PTPRT: variants seen among roughly 807,000 people sequenced by gnomAD.
PTPRT encodes protein tyrosine phosphatase receptor type T, also known as receptor-type tyrosine-protein phosphatase T.
Under a neutral mutation model 176.8 loss-of-function variants are expected in PTPRT, and 56 were observed. That is an observed-to-expected ratio of 0.32 (90% CI 0.26 to 0.40). PTPRT has a LOEUF of 0.40. Ranked by LOEUF, PTPRT falls within the 10% of genes least tolerant of loss-of-function variation. PTPRT has a pLI of 1.00. For synonymous variants in PTPRT, 783 were observed against 739.0 expected (o/e 1.06, Z -0.96); for missense variants, 1,540 against 1,908.2 (o/e 0.81, Z 3.60).
intron 1 of PTPRT, among the ~76,000 whole-genome samples, chr20:43,097,164 C>A (rs1308493717): frequency 6.6e-6 from 1 of 152,096 alleles, no homozygotes; most frequent in African/African-American, 2.4e-5. Context: ...AGTAAGGGAG[C>A]CAGGAAGTGG....
intron 1 of PTPRT, among the ~76,000 whole-genome samples, chr20:43,079,617 A>C (rs963799810): frequency 6.6e-6 from 1 of 152,132 alleles, no homozygotes; most frequent in Non-Finnish European, 1.5e-5. Flanking sequence ...TAAATCCTAG[A>C]TGTATTACAG....
At chr20:42,703,059 C>A (rs1454911221) in intron 6 of PTPRT, among the ~76,000 whole-genome samples, 2 of 152,154 alleles carry the variant, frequency 1.3e-5, no homozygotes, top group African/African-American at 4.8e-5. Flanking sequence ...TTTCCCACTC[C>A]CATAGTTTAG....
intron 7 of PTPRT, among the ~76,000 whole-genome samples, chr20:42,605,106 G>A (rs2073852038): frequency 6.6e-6 from 1 of 152,168 alleles, no homozygotes; most frequent in Admixed American, 6.5e-5. Flanking sequence ...AAGCACTACA[G>A]GGAGAGGCAC....
intron 9 of PTPRT, among the ~76,000 whole-genome samples, chr20:42,357,290 G>A (rs796419252): frequency 2.1e-4 from 32 of 152,272 alleles, no homozygotes; most frequent in African/African-American, 7.0e-4. Flanking sequence ...ATACCCTACA[G>A]CCCACGCTGC....
intron 2 of PTPRT, among the ~76,000 whole-genome samples, chr20:42,842,861 C>A (rs890824229): frequency 1.3e-5 from 2 of 152,220 alleles, no homozygotes; most frequent in African/African-American, 4.8e-5. Context: ...GGGGGTCCCT[C>A]AAGCCTCTTT....
intron 1 of PTPRT, among the ~76,000 whole-genome samples, chr20:42,962,042 G>A (rs969239439): frequency 6.6e-6 from 1 of 152,176 alleles, no homozygotes; most frequent in African/African-American, 2.4e-5. Context: ...TCACCCTGCT[G>A]AGTTTAGACT....
intron 7 of PTPRT, among the ~76,000 whole-genome samples, chr20:42,677,023 T>TA (rs750963366): frequency 6.6e-6 from 1 of 152,004 alleles, no homozygotes; most frequent in Non-Finnish European, 1.5e-5. Flanking sequence ...CCCATAGAGA[T>TA]AGAGTGGAAT....
intron 9 of PTPRT, among the ~76,000 whole-genome samples, chr20:42,358,349 T>C (rs962618823): frequency 2.0e-5 from 3 of 152,180 alleles, no homozygotes; most frequent in Non-Finnish European, 4.4e-5. Flanking sequence ...CAGATATCCA[T>C]TGAGCTCTTG....
chr20:42,570,698 GA>G (rs2073138016), intron 7 of PTPRT, among the ~76,000 whole-genome samples: 1 of 152,084 alleles, frequency 6.6e-6, no homozygotes, highest in East Asian at 1.9e-4. Flanking sequence ...ATGAGAGGGA[GA>G]GGGAAAAAAA....
intron 7 of PTPRT, among the ~76,000 whole-genome samples, chr20:42,673,411 G>C (rs2075445749): frequency 6.6e-6 from 1 of 152,186 alleles, no homozygotes; most frequent in Non-Finnish European, 1.5e-5. Flanking sequence ...ATTACGTCGG[G>C]GGACAGGTCT....
At chr20:43,048,700 T>G (rs1377515640) in intron 1 of PTPRT, among the ~76,000 whole-genome samples, 2 of 152,150 alleles carry the variant, frequency 1.3e-5, no homozygotes, top group Non-Finnish European at 2.9e-5. Flanking sequence ...GGAAAAAATG[T>G]TTCTGCTTTT....
At chr20:42,308,319 C>A (rs2057575925) in intron 12 of PTPRT, among the ~76,000 whole-genome samples, 1 of 152,032 alleles carries the variant, frequency 6.6e-6, no homozygotes, top group Non-Finnish European at 1.5e-5. Context: ...GATCCGGACC[C>A]CTTTCCAGTG....
Position 42,731,306 on chromosome 20 carries a change from A to C in PTPRT, c.859+25156T>G, listed in dbSNP as rs118121426. ...GCTGTCACTTCATCCAATTAAGTGG[A>C]GGTTACAGAAGGATCCACTTGTCAT... is the stretch of plus-strand genomic sequence containing the variant. On this transcript the variant is annotated intron_variant, in intron 6 of 30. Transcript: ENST00000373187. 4.4e-3 allele frequency among the ~76,000 whole-genome samples: 672 copies of C among 152,304 alleles called. 4 individuals are homozygous for C. The highest frequency in any genetic ancestry group is 0.02 in the Middle Eastern group (6 of 294).
At chr20:42,811,507 A>ATC (rs2077697452) in intron 2 of PTPRT, among the ~76,000 whole-genome samples, 1 of 152,222 alleles carries the variant, frequency 6.6e-6, no homozygotes, top group Non-Finnish European at 1.5e-5. Flanking sequence ...TTACCCAAAG[A>ATC]TCTCTTTAAG....
intron 18 of PTPRT, among the ~76,000 whole-genome samples, chr20:42,139,560 T>C (rs1988527776): frequency 6.6e-6 from 1 of 152,140 alleles, no homozygotes; most frequent in South Asian, 2.1e-4. Context: ...GAAGCTGGGG[T>C]ATTTCATGGT....
the PTPRT span, among the ~76,000 whole-genome samples, chr20:42,046,803 C>CTG: frequency 8.9e-5 from 9 of 100,982 alleles, no homozygotes; most frequent in African/African-American, 2.4e-4. Context: ...GTGTCTGTGT[C>CTG]TGTGTGTTGT....
intron 1 of PTPRT, among the ~76,000 whole-genome samples, chr20:43,111,437 A>G (rs1204961898): frequency 6.6e-6 from 1 of 151,102 alleles, no homozygotes; most frequent in African/African-American, 2.4e-5. Context: ...CTAGCTACTC[A>G]GGAGGCTGAG....
intron 7 of PTPRT, among the ~76,000 whole-genome samples, chr20:42,633,784 A>AATATATATATATATATATATATATAT (rs752371452): frequency 1.9e-5 from 1 of 53,382 alleles, no homozygotes; most frequent in African/African-American, 9.4e-5. Flanking sequence ...AGACTCTGAA[A>AATATATATATATATATATATATATAT]ATATATATAT....
At chr20:42,337,155 C>T (rs542767796) in intron 11 of PTPRT, among the ~76,000 whole-genome samples, 1 of 148,878 alleles carries the variant, frequency 6.7e-6, no homozygotes, top group African/African-American at 2.6e-5. Flanking sequence ...TATTTAGAAG[C>T]CCCCCCTTCC....
Sources: allele counts gnomAD v4.1 joint callset (sites outside exome capture counted in the v4.1 genomes callset), GRCh38; gene constraint gnomAD v4.1.1; transcripts MANE v1.5; gene names NCBI Gene and HGNC (gene_info 2026-07-23, HGNC 2026-07-21).